Variants in MARCHF1 observed in about 807,000 individuals in gnomAD.
MARCHF1 encodes the protein membrane associated ring-CH-type finger 1, also known as E3 ubiquitin-protein ligase MARCHF1.
Under a neutral mutation model 54.2 loss-of-function variants are expected in MARCHF1, and 40 were observed. The observed-to-expected ratio is 0.74, with a 90% confidence interval of 0.57 to 0.96. MARCHF1 has a LOEUF of 0.96. MARCHF1 is among the 40% of genes least tolerant of loss of function. The probability of loss-of-function intolerance (pLI) is 0.00; values close to 1 mark genes in which losing one functional copy is unlikely to be tolerated. For missense variants in MARCHF1, 586 were observed against 656.5 expected (o/e 0.89, Z 1.17); for synonymous variants, 236 against 236.3 (o/e 1.00, Z 0.01).
chr4:163,705,260 C>T (rs924444162), intron 4 of MARCHF1, among the ~76,000 whole-genome samples: 14 of 151,330 alleles, frequency 9.3e-5, no homozygotes, highest in Middle Eastern at 3.4e-3. Context: ...CATAAATATC[C>T]CTAATCCATA....
chr4:164,058,701 C>T (rs1245308908), intron 2 of MARCHF1, among the ~76,000 whole-genome samples: 1 of 152,242 alleles, frequency 6.6e-6, no homozygotes, highest in Non-Finnish European at 1.5e-5. Flanking sequence ...AGCAACTGAC[C>T]CAGCACATCT....
intron 5 of MARCHF1, among the ~76,000 whole-genome samples, chr4:163,682,416 A>T (rs1327752852): frequency 6.6e-6 from 1 of 152,218 alleles, no homozygotes; most frequent in East Asian, 1.9e-4. Flanking sequence ...TCTCTAGGGC[A>T]CGGCAGAGAC....
intron 1 of MARCHF1, chr4:164,189,976 C>G: frequency 6.6e-7 from 1 of 1,506,936 alleles, no homozygotes; most frequent in Non-Finnish European, 9.2e-7. Flanking sequence ...CACCTGACAC[C>G]TGAAGAAATC....
At chr4:163,821,054 G>C (rs894571026) in intron 4 of MARCHF1, among the ~76,000 whole-genome samples, 2 of 151,910 alleles carry the variant, frequency 1.3e-5, no homozygotes, top group African/African-American at 4.8e-5. Context: ...ACTTCAGCTC[G>C]CACTGCACTT....
At chr4:164,187,551 T>C (rs1052171202) in intron 1 of MARCHF1, among the ~76,000 whole-genome samples, 1 of 152,108 alleles carries the variant, frequency 6.6e-6, no homozygotes, top group East Asian at 1.9e-4. Flanking sequence ...CTGTCTGCTG[T>C]GCTGTGAGTA....
intron 3 of MARCHF1, among the ~76,000 whole-genome samples, chr4:163,970,222 G>A (rs1468645644): frequency 1.3e-5 from 2 of 152,172 alleles, no homozygotes; most frequent in Admixed American, 6.5e-5. Context: ...TTGAAAAGTT[G>A]TAATATATTG....
chr4:163,546,421 C>CT (rs1738908458), intron 8 of MARCHF1, among the ~76,000 whole-genome samples: 2 of 152,194 alleles, frequency 1.3e-5, no homozygotes, highest in African/African-American at 4.8e-5. Context: ...CAATTAAAAA[C>CT]TTCCTTTTCA....
At chr4:163,978,006 C>A (rs1016494199) in intron 3 of MARCHF1, among the ~76,000 whole-genome samples, 1 of 152,036 alleles carries the variant, frequency 6.6e-6, no homozygotes, top group African/African-American at 2.4e-5. Flanking sequence ...TTCAAAAGCC[C>A]ATGAAATGTT....
intron 3 of MARCHF1, among the ~76,000 whole-genome samples, chr4:163,876,932 ATAAT>A (rs1485324703): frequency 6.6e-6 from 1 of 152,146 alleles, no homozygotes; most frequent in Non-Finnish European, 1.5e-5. Flanking sequence ...AATAATAATG[ATAAT>A]TAATAGGCCA....
chr4:163,903,595 TTTTCTTTCTTTC>T lies in MARCHF1; in HGVS notation c.-38-49438_-38-49427del, dbSNP rs139090570. ...TTTTTTATTCTCCATAAATTTTATT[TTTTCTTTCTTTC>T]TTTCTTTCTTTCTTTTTTTTGAGAC... On this transcript the variant is annotated intron_variant, in intron 3 of 9. Transcript: ENST00000514618. Among the ~76,000 whole-genome samples, 4 of 151,248 alleles carry T rather than the reference TTTTCTTTCTTTC, an allele frequency of 2.6e-5. No homozygotes were observed. The East Asian group carries it at 5.8e-4, about 22-fold the overall frequency.
At chr4:164,013,175 T>C (rs1753459554) in intron 2 of MARCHF1, among the ~76,000 whole-genome samples, 1 of 152,068 alleles carries the variant, frequency 6.6e-6, no homozygotes, top group Admixed American at 6.5e-5. Flanking sequence ...AAAAATTCTA[T>C]CACAAAAATT....
chr4:164,176,941 G>GCTCTCTCT (rs57770641), intron 1 of MARCHF1, among the ~76,000 whole-genome samples: 33 of 58,170 alleles, frequency 5.7e-4, no homozygotes, highest in African/African-American at 1.3e-3. Flanking sequence ...TACCTTGTGC[G>GCTCTCTCT]CTCTCTCTCT....
intron 3 of MARCHF1, among the ~76,000 whole-genome samples, chr4:163,984,374 A>G (rs1205306800): frequency 6.6e-6 from 1 of 152,230 alleles, no homozygotes; most frequent in Non-Finnish European, 1.5e-5. Context: ...ATGTGTGGTC[A>G]GCTTGAGAGT....
intron 5 of MARCHF1, among the ~76,000 whole-genome samples, chr4:163,628,325 T>C (rs1237788239): frequency 6.6e-6 from 1 of 152,192 alleles, no homozygotes; most frequent in African/African-American, 2.4e-5. Context: ...TCTCAATAGA[T>C]GCAGAAAAGG....
intron 1 of MARCHF1, among the ~76,000 whole-genome samples, chr4:164,364,065 T>A (rs532423983): frequency 2.6e-5 from 4 of 152,056 alleles, no homozygotes; most frequent in Admixed American, 2.6e-4. Context: ...TCTAGAAAAA[T>A]TAGGAAATGT....
chr4:163,934,330 A>T (rs1751746528), intron 3 of MARCHF1, among the ~76,000 whole-genome samples: 1 of 151,668 alleles, frequency 6.6e-6, no homozygotes, highest in Non-Finnish European at 1.5e-5. Flanking sequence ...TGGCTGAGGC[A>T]GGAGGATTGC....
chr4:164,237,849 A>G (rs1732609310), intron 1 of MARCHF1, among the ~76,000 whole-genome samples: 1 of 152,048 alleles, frequency 6.6e-6, no homozygotes, highest in South Asian at 2.1e-4. Flanking sequence ...TGCATTCTTA[A>G]AAAGACTGGA....
At chr4:164,156,062 G>A (rs1252038521) in intron 1 of MARCHF1, among the ~76,000 whole-genome samples, 8 of 152,180 alleles carry the variant, frequency 5.3e-5, no homozygotes, top group South Asian at 2.1e-4. Context: ...TAAAACCAGA[G>A]GTTTCTTCAA....
chr4:163,789,768 C>G (rs1393764847), intron 4 of MARCHF1, among the ~76,000 whole-genome samples: 1 of 151,898 alleles, frequency 6.6e-6, no homozygotes, highest in African/African-American at 2.4e-5. Flanking sequence ...ACTTGGACTT[C>G]TTTTTTTATT....
Sources: allele counts gnomAD v4.1 joint callset (sites outside exome capture counted in the v4.1 genomes callset), GRCh38; gene constraint gnomAD v4.1.1; transcripts MANE v1.5; gene names NCBI Gene and HGNC (gene_info 2026-07-23, HGNC 2026-07-21).